The following CELSR3 variants were observed in gnomAD, a reference collection of about 807,000 sequenced individuals.
The protein encoded by CELSR3 is cadherin EGF LAG seven-pass G-type receptor 3.
In CELSR3, 73 loss-of-function variants were observed where a neutral mutation model predicts 270.0. The ratio of observed to expected loss-of-function variants is 0.27; its 90% CI spans 0.22 to 0.33. The LOEUF (loss-of-function observed/expected upper bound fraction) is 0.33. Ranked by LOEUF, CELSR3 falls within the 10% of genes least tolerant of loss-of-function variation. The pLI is 1.00. For missense variants in CELSR3, 3,614 were observed against 4,533.8 expected, an observed-to-expected ratio of 0.80 and a Z score of 5.83; for synonymous variants, 1,780 against 1,905.4, an observed-to-expected ratio of 0.93 and a Z score of 1.71.
In CELSR3 at chr3:48,661,086, C is replaced by T; in HGVS notation, c.1549G>A (p.Asp517Asn). The T allele has an allele frequency of 6.2e-7, 1 of 1,613,344 alleles. No individual in the cohort carries two copies. The highest frequency in any genetic ancestry group is 1.1e-5 in the South Asian group (1 of 91,036). The part of the protein sequence containing the change: ...ESYELVVEAS[D>N]QGQEPGPRSA... ...CGCGGCCCGGGTTCCTGGCCCTGGT[C>T]GCTGGCTTCCACCACCAGCTCATAG... The change falls in exon 1 of 35, where the codon GAC becomes AAC. Residue 517 changes from aspartate to asparagine, a missense_variant. By Grantham distance (23) the Asp-to-Asn change is conservative (BLOSUM62 1). Around this residue, in one of 7 missense-constraint regions of CELSR3, gnomAD observed 354 missense variants for 500.9 expected, o/e 0.71. Transcript: ENST00000164024.
At position 48,657,413 on chromosome 3, in the gene CELSR3, G is replaced by C; in HGVS notation, c.3749-65C>G. On this transcript the variant is annotated intron_variant, in intron 1 of 34. Transcript: ENST00000164024. This position sits in a 1 kb window ranked among gnomAD's most constrained non-coding sequence, Gnocchi z 5.4. ...GTGGCCACCCCTCCCTGGGACACAA[G>C]AGGGCTGGGGCCAGCGATAGCCTAG... The C allele has an allele frequency of 6.9e-7, 1 of 1,456,846 alleles. No homozygotes were observed. The highest frequency in any genetic ancestry group is 9.1e-7 in the Non-Finnish European group (1 of 1,102,282). The allele number at this position is 1,456,846 out of a possible 1,614,324, so 90.2% of individuals were successfully genotyped here. A position where few individuals can be genotyped will look rare whatever the true frequency, so the allele number is the denominator to read the frequency against.
At chr3:48,648,076 C>A in intron 19 of CELSR3, 80 bp from the exon 20 acceptor site, 1 of 1,543,410 alleles carries the variant, frequency 6.5e-7, no homozygotes, top group African/African-American at 1.4e-5. Flanking sequence ...TACTCGCATC[C>A]CGCACCTGAG....
rs780347312 is a variant in CELSR3 at position 48,642,049 on chromosome 3, G to A, written c.8666-40C>T. The A allele has an allele frequency of 1.7e-4, 262 of 1,500,922 alleles. 6 individuals carry two copies. The South Asian group carries it at 3.5e-3, about 20-fold the overall frequency. The allele number at this position is 1,500,922 out of a possible 1,614,324, so 93.0% of individuals were successfully genotyped here. On this transcript the variant is annotated intron_variant, in intron 31 of 34. Coordinates refer to ENST00000164024, the MANE Select transcript of CELSR3 (RefSeq NM_001407.3). The surrounding 1 kb of genome is among the most constrained non-coding windows in gnomAD (Gnocchi z 6.1). ...GTCAGAAGTACTTTCAGAGGTAAGG[G>A]ACTTGGAGATAAGGGAATTTGGAGT...
Position 48,650,381 on chromosome 3 carries a change from G to C in CELSR3, c.6472+99C>G. ...CCCACCCCACTTCCACCTCTTTGCA[G>C]GAACAAAGCCACCCAATTTAGGAAA... is the stretch of plus-strand genomic sequence containing the variant. On this transcript the variant is annotated intron_variant, in intron 16 of 34. Coordinates refer to ENST00000164024, the MANE Select transcript of CELSR3 (RefSeq NM_001407.3). This position sits in a 1 kb window ranked among gnomAD's most constrained non-coding sequence, Gnocchi z 5.1. 5 of 985,510 alleles carry C rather than the reference G, an allele frequency of 5.1e-6. No homozygotes were observed. The highest frequency in any genetic ancestry group is 7.9e-6 in the Non-Finnish European group (5 of 632,964). The allele number at this position is 985,510 out of a possible 1,614,324, so 61.0% of individuals were successfully genotyped here.
chr3:48,641,095 C>T lies in CELSR3; in HGVS notation c.9025+229G>A, dbSNP rs758101693. 5.0e-5 allele frequency: 28 copies of T among 557,588 alleles called. No homozygotes were observed. The highest frequency in any genetic ancestry group is 7.6e-5 in the Non-Finnish European group (24 of 314,242). 34.5% of individuals were successfully genotyped at this position (557,588 alleles called of 1,614,324 possible). Reference sequence around the variant, plus strand: ...ACAGATGGGCTGGGGCAGGAGTGGTCGCCTGTGGTCCCCCTGTGGTGCTGG... The same window carrying T: ...ACAGATGGGCTGGGGCAGGAGTGGTTGCCTGTGGTCCCCCTGTGGTGCTGG... On this transcript the variant is annotated intron_variant, in intron 33 of 34. Coordinates refer to ENST00000164024, the MANE Select transcript of CELSR3 (RefSeq NM_001407.3). The surrounding 1 kb of genome is among the most constrained non-coding windows in gnomAD (Gnocchi z 4.8).
In CELSR3 at chr3:48,644,071, C is replaced by A. The variant is rs181370113; in HGVS notation, c.8165+145G>T. 100 of 662,228 alleles carry A rather than the reference C, an allele frequency of 1.5e-4. No homozygotes were observed. The highest frequency in any genetic ancestry group is 2.5e-4 in the Non-Finnish European group (96 of 376,674). 41.0% of individuals were successfully genotyped at this position (662,228 alleles called of 1,614,324 possible). ...GTATAGCGAGGGCGCCAGAGAGGGA[C>A]CACAGGTCAGGGCAGGTGTGACTTC... On this transcript the variant is annotated intron_variant, in intron 27 of 34. Coordinates refer to ENST00000164024, the MANE Select transcript of CELSR3 (RefSeq NM_001407.3). This position sits in a 1 kb window ranked among gnomAD's most constrained non-coding sequence, Gnocchi z 4.8.
chr3:48,643,757 CA>C, intron 27 of CELSR3, 80 bp from the exon 28 acceptor site: 4 of 1,481,676 alleles, frequency 2.7e-6, no homozygotes, highest in Non-Finnish European at 2.7e-6. Flanking sequence ...GGAGGACACA[CA>C]GGGGCCACAC....
In CELSR3 at chr3:48,655,029, G is replaced by C. The variant is rs2047168049; in HGVS notation, c.4988+15C>G. 1 of 1,613,342 alleles carries C rather than the reference G, an allele frequency of 6.2e-7. No individual in the cohort carries two copies. The highest frequency in any genetic ancestry group is 1.1e-5 in the South Asian group (1 of 91,064). On this transcript the variant is annotated intron_variant, in intron 6 of 34. Transcript: ENST00000164024. This position sits in a 1 kb window ranked among gnomAD's most constrained non-coding sequence, Gnocchi z 5.8. ...GTAGGCAGGGGACAAGGGGACTAGG[G>C]GGCAGGGGCCTCACTTCTTGGAGCT...
At position 48,653,134 on chromosome 3, in the gene CELSR3, G is replaced by A. The variant is rs779871177; in HGVS notation, c.5502C>T (p.Ser1834=). The A allele has an allele frequency of 1.9e-6, 3 of 1,613,366 alleles. No individual in the cohort carries two copies. The highest frequency in any genetic ancestry group is 2.5e-6 in the Non-Finnish European group (3 of 1,180,018). ...CAGTCACCTGGTCCAGAAGGAGATG[G>A]GAAGCACGGCCCGAGCCCCTGGTCA... ...VTVTRGSGRA[S]HLLLDQVTVS... The change falls in exon 10 of 35, where the codon TCC becomes TCT. Residue 1834 remains serine (S), a synonymous_variant. Transcript: ENST00000164024. The surrounding 1 kb of genome is among the most constrained non-coding windows in gnomAD (Gnocchi z 6.5).
chr3:48,655,936 G>T lies in CELSR3; in HGVS notation c.4626-85C>A. 1 of 1,247,294 alleles carries T rather than the reference G, an allele frequency of 8.0e-7. No individual in the cohort carries two copies. The highest frequency in any genetic ancestry group is 1.1e-6 in the Non-Finnish European group (1 of 876,338). The allele number at this position is 1,247,294 out of a possible 1,614,324, so 77.3% of individuals were successfully genotyped here. On this transcript the variant is annotated intron_variant, in intron 3 of 34. Transcript: ENST00000164024. The surrounding 1 kb of genome is among the most constrained non-coding windows in gnomAD (Gnocchi z 5.8). ...CACCCACCATCCCTGCGAGGAGAAGGGGCTGGGGCGAGAGAGGAAGCGACG... is the reference window on the plus strand; with the variant it reads ...CACCCACCATCCCTGCGAGGAGAAGTGGCTGGGGCGAGAGAGGAAGCGACG...
chr3:48,650,432 C>CCGGGGGGGGGGGGGGGGGGGGGGGGGGG lies in CELSR3; in HGVS notation c.6472+47_6472+48insCCCCCCCCCCCCCCCCCCCCCCCCCCCG. The CCGGGGGGGGGGGGGGGGGGGGGGGGGGG allele has an allele frequency of 2.5e-6, 3 of 1,208,942 alleles. No individual in the cohort carries two copies. The highest frequency in any genetic ancestry group is 3.6e-6 in the Non-Finnish European group (3 of 844,584). The allele number at this position is 1,208,942 out of a possible 1,614,324, so 74.9% of individuals were successfully genotyped here. The stretch of plus-strand genomic sequence containing the variant: ...AGACATGGCTCTAGCAGTCAGAGTA[C>CCGGGGGGGGGGGGGGGGGGGGGGGGGGG]AGGCCCACCCCCACCCTCAGTGATG... On this transcript the variant is annotated intron_variant, in intron 16 of 34. Transcript: ENST00000164024. The surrounding 1 kb of genome is among the most constrained non-coding windows in gnomAD (Gnocchi z 5.1).
Position 48,662,084 on chromosome 3 carries a change from G to T in CELSR3, c.551C>A (p.Pro184Gln). 2.5e-6 allele frequency: 4 copies of T among 1,614,026 alleles called. No individual in the cohort carries two copies. Among genetic ancestry groups the T allele is most frequent in the Non-Finnish European group, 3.4e-6 (4 of 1,180,032 alleles). Residue 184 changes from proline to glutamine, a missense_variant, in exon 1 of 35, where the codon CCG (proline) becomes CAG (glutamine). Coordinates refer to ENST00000164024, the MANE Select transcript of CELSR3 (RefSeq NM_001407.3). This position sits in a 1 kb window ranked among gnomAD's most constrained non-coding sequence, Gnocchi z 7.1. ...CCCAGCGTTCCGCTGGGAGGACACC[G>T]GCTTGGGACCGTGGTGCCGAATCAA... is the stretch of plus-strand genomic sequence containing the variant. ...DFLIRHHGPK[P>Q]VSSQRNAGTG...
rs755065079 is a variant in CELSR3 at position 48,661,705 on chromosome 3, C to G, written c.930G>C (p.Ala310=). Residue 310 remains alanine, a synonymous_variant, in exon 1 of 35, where the codon GCG becomes GCC. Coordinates refer to ENST00000164024, the MANE Select transcript of CELSR3 (RefSeq NM_001407.3). The part of the protein sequence containing the change: ...ARPEARKVTS[A]NRARFRRAAN... ...CGGCGCGACGAAAGCGTGCCCGGTT[C>G]GCCGAGGTTACTTTCCTGGCTTCAG... 6.4e-7 allele frequency: 1 copy of G among 1,573,900 alleles called. No homozygotes were observed. Among genetic ancestry groups the G allele is most frequent in the South Asian group, 1.2e-5 (1 of 85,984 alleles).
In CELSR3 at chr3:48,659,743, G is replaced by A. The variant is rs532404008; in HGVS notation, c.2892C>T (p.Ser964=). ...CCTCAGAGACCAGCCCTGTATAGTG[G>A]GAGGCCACAAATTGTGGAGCATTGT... ...VNDNAPQFVA[S]HYTGLVSEDA... Residue 964 remains serine, a synonymous_variant, in exon 1 of 35, where the codon TCC becomes TCT. Coordinates refer to ENST00000164024, the MANE Select transcript of CELSR3 (RefSeq NM_001407.3). This position sits in a 1 kb window ranked among gnomAD's most constrained non-coding sequence, Gnocchi z 8.1. The A allele has an allele frequency of 6.2e-7, 1 of 1,614,212 alleles. No homozygotes were observed. Among genetic ancestry groups the A allele is most frequent in the African/African-American group, 1.3e-5 (1 of 75,046 alleles).
Position 48,639,978 on chromosome 3 carries a change from G to A in CELSR3, c.9607C>T (p.Gln3203Ter). 1.9e-6 allele frequency: 3 copies of A among 1,612,780 alleles called. No individual in the cohort carries two copies. The highest frequency in any genetic ancestry group is 2.5e-6 in the Non-Finnish European group (3 of 1,180,016). Residue 3203 changes from glutamine (Q) to a stop codon, truncating the protein, a stop_gained, in exon 34 of 35, where the codon CAG becomes TAG. Coordinates refer to ENST00000164024, the MANE Select transcript of CELSR3 (RefSeq NM_001407.3). LOFTEE classifies it high-confidence loss of function. The surrounding 1 kb of genome is among the most constrained non-coding windows in gnomAD (Gnocchi z 4.1). ...SLSRSSNSRE[Q>*]LDQVPSRHPS... ...TGCCGGCTAGGCACCTGGTCCAGCT[G>A]CTCCCGAGAGTTCGAGCTCCTAGAC...
chr3:48,645,606 A>C lies in CELSR3; in HGVS notation c.7634T>G (p.Val2545Gly), dbSNP rs753772406. ...DLELLAVFTH[V>G]VVAVSVAALV... ...CGCAGCCACAGACACAGCCACGACC[A>C]CGTGGGTGAACACAGCCAGCAGCTC... The change falls in exon 24 of 35, where the codon GTG becomes GGG. Residue 2545 changes from valine (V) to glycine (G), a missense_variant. Transcript: ENST00000164024. This position sits in a 1 kb window ranked among gnomAD's most constrained non-coding sequence, Gnocchi z 5.4. The C allele has an allele frequency of 9.9e-6, 16 of 1,611,848 alleles. 3 individuals carry two copies. In the South Asian group the frequency reaches 1.1e-4, roughly 11 times the overall value.
In CELSR3 at chr3:48,657,215, G is replaced by A. The variant is rs775963763; in HGVS notation, c.3882C>T (p.Arg1294=). The A allele has an allele frequency of 3.5e-5, 56 of 1,613,658 alleles. No homozygotes were observed. The highest frequency in any genetic ancestry group is 3.1e-5 in the Non-Finnish European group (37 of 1,179,934). ...QERFLSPLLG[R]FLEGVAAVLA... is the part of the protein sequence containing the mutation. ...GCACCGCAGCCACGCCCTCGAGGAA[G>A]CGGCCCAGCAGCGGTGACAGGAAGC... Residue 1294 remains arginine, a synonymous_variant, in exon 2 of 35, where the codon CGC becomes CGT. Coordinates refer to ENST00000164024, the MANE Select transcript of CELSR3 (RefSeq NM_001407.3). This position sits in a 1 kb window ranked among gnomAD's most constrained non-coding sequence, Gnocchi z 5.4.
Position 48,646,690 on chromosome 3 carries a change from C to A in CELSR3, c.7295+73G>T. On this transcript the variant is annotated intron_variant, in intron 21 of 34. Coordinates refer to ENST00000164024, the MANE Select transcript of CELSR3 (RefSeq NM_001407.3). This position sits in a 1 kb window ranked among gnomAD's most constrained non-coding sequence, Gnocchi z 4.8. ...CCTCTCTGTGTGTTGTGAACCTACG[C>A]ATCTACCCACCAAAAAAGGGGCTGC... The A allele has an allele frequency of 6.8e-7, 1 of 1,460,336 alleles. No individual in the cohort carries two copies. The highest frequency in any genetic ancestry group is 2.3e-5 in the East Asian group (1 of 43,386). 90.5% of individuals were successfully genotyped at this position (1,460,336 alleles called of 1,614,324 possible). A position where few individuals can be genotyped will look rare whatever the true frequency, so the allele number is the denominator to read the frequency against.
rs555469309 is a variant in CELSR3, at chr3:48,659,179, C to G, written c.3456G>C (p.Arg1152=). 1.9e-6 allele frequency: 3 copies of G among 1,614,138 alleles called. No homozygotes were observed. In the African/African-American group the frequency reaches 4.0e-5, roughly 22 times the overall value. ...VQATSAPLVS[R]ATVHVRLVDQ... is the part of the protein sequence containing the mutation. ...CAACCAGGCGGACGTGCACAGTGGC[C>G]CGGCTGACCAAAGGAGCAGATGTGG... Residue 1152 remains arginine (R), a synonymous_variant, in exon 1 of 35, where the codon CGG becomes CGC. Transcript: ENST00000164024. This position sits in a 1 kb window ranked among gnomAD's most constrained non-coding sequence, Gnocchi z 8.1.
Sources: allele counts gnomAD v4.1 joint callset, GRCh38; gene constraint gnomAD v4.1.1; regional missense constraint gnomAD v4.1.1; non-coding constraint Gnocchi (gnomAD v3.1); transcripts MANE v1.5; gene names NCBI Gene and HGNC (gene_info 2026-07-23, HGNC 2026-07-21).